The following HIVEP3 variants were observed in gnomAD, a reference collection of about 807,000 sequenced individuals.
HIVEP3 encodes transcription factor HIVEP3.
In HIVEP3, 49 loss-of-function variants were observed where a neutral mutation model predicts 152.8. The ratio of observed to expected loss-of-function variants is 0.32; its 90% CI spans 0.26 to 0.41. The LOEUF is 0.41. Ranked by LOEUF, HIVEP3 falls within the 10% of genes least tolerant of loss-of-function variation. The probability of loss-of-function intolerance (pLI) is 1.00; values close to 1 mark genes in which losing one functional copy is unlikely to be tolerated. For synonymous variants in HIVEP3, 1,269 were observed against 1,289.0 expected (o/e 0.98, Z 0.33); for missense variants, 2,790 against 3,103.3 (o/e 0.90, Z 2.40).
At position 41,580,671 on chromosome 1, in the gene HIVEP3, A is replaced by G. The variant is rs1445310100; in HGVS notation, c.4127T>C (p.Val1376Ala). 7.4e-6 allele frequency: 12 copies of G among 1,613,358 alleles called. No individual in the cohort carries two copies. In the East Asian group the frequency reaches 1.8e-4, roughly 24 times the overall value. ...TTVCGADVHE[V>A]GPGPSGLSEE... Reference sequence around the variant, plus strand: ...ACTTAACCCAGAAGGGCCGGGCCCAACCTCATGCACATCTGCACCACATAC... The same window carrying G: ...ACTTAACCCAGAAGGGCCGGGCCCAGCCTCATGCACATCTGCACCACATAC... Residue 1376 changes from valine to alanine, a missense_variant, in exon 4 of 9, where the codon GTT becomes GCT. Coordinates refer to ENST00000372583, the MANE Select transcript of HIVEP3 (RefSeq NM_024503.5).
At chr1:41,940,526 T>C (rs1645040338) in intron 1 of HIVEP3, among the ~76,000 whole-genome samples, 1 of 152,232 alleles carries the variant, frequency 6.6e-6, no homozygotes, top group Non-Finnish European at 1.5e-5. Flanking sequence ...GGAGGTGAAA[T>C]GAACTCTTAA....
chr1:41,937,227 A>G (rs1645024106), intron 1 of HIVEP3, among the ~76,000 whole-genome samples: 2 of 152,130 alleles, frequency 1.3e-5, no homozygotes, highest in African/African-American at 4.8e-5. Flanking sequence ...ATAAATATAT[A>G]TTCTATACAC....
At chr1:41,650,272 G>A (rs993879576) in intron 2 of HIVEP3, among the ~76,000 whole-genome samples, 8 of 152,154 alleles carry the variant, frequency 5.3e-5, no homozygotes, top group African/African-American at 1.4e-4. Flanking sequence ...GCAGACACGT[G>A]GGCGGTGACA....
intron 1 of HIVEP3, among the ~76,000 whole-genome samples, chr1:41,754,296 C>A (rs963433636): frequency 6.6e-6 from 1 of 152,008 alleles, no homozygotes; most frequent in Non-Finnish European, 1.5e-5. Context: ...GTTTTAGAGG[C>A]AACCCTCTGG....
At chr1:41,771,191 T>C (rs1455668743) in intron 1 of HIVEP3, among the ~76,000 whole-genome samples, 1 of 152,096 alleles carries the variant, frequency 6.6e-6, no homozygotes, top group Non-Finnish European at 1.5e-5. Context: ...GGTACCATCT[T>C]TGCACCTCCC....
rs1008152081 is a variant in HIVEP3 at position 41,580,221 on chromosome 1, G to A, written c.4577C>T (p.Pro1526Leu). 2.5e-6 allele frequency: 4 copies of A among 1,612,578 alleles called. No homozygotes were observed. The South Asian group carries it at 4.4e-5, about 18-fold the overall frequency. The change falls in exon 4 of 9, where the codon CCA becomes CTA. Residue 1526 changes from proline (P) to leucine (L), a missense_variant. By Grantham distance (98) the Pro-to-Leu change is moderately conservative. This residue lies in a region of HIVEP3 where 1,078 missense variants were observed against 1,165.3 expected (regional missense o/e 0.93). Transcript: ENST00000372583. ...PHPALSHGTAPGSEALKEYPQ... is the reference protein window; with the variant it reads ...PHPALSHGTALGSEALKEYPQ... The stretch of plus-strand genomic sequence containing the variant: ...ATATTCCTTCAAAGCTTCTGAGCCT[G>A]GGGCTGTCCCATGGGACAATGCAGG...
intron 5 of HIVEP3, among the ~76,000 whole-genome samples, chr1:41,558,766 T>C (rs1644008747): frequency 6.6e-6 from 1 of 152,218 alleles, no homozygotes; most frequent in Non-Finnish European, 1.5e-5. Flanking sequence ...CTAAAAACTT[T>C]GTCCAGCCCC....
intron 4 of HIVEP3, among the ~76,000 whole-genome samples, chr1:41,579,422 CTT>C (rs144747239): frequency 0.016 from 2,445 of 152,304 alleles, 58 homozygotes; most frequent in African/African-American, 0.056. Flanking sequence ...CCAACTCAGT[CTT>C]TTGGAAAATT....
At chr1:41,794,953 G>A (rs7540667) in intron 1 of HIVEP3, among the ~76,000 whole-genome samples, 5,057 of 152,170 alleles carry the variant, frequency 0.033, 284 homozygotes, top group African/African-American at 0.12. Flanking sequence ...TTAGAGACAG[G>A]GTCTTGCTCT....
intron 3 of HIVEP3, among the ~76,000 whole-genome samples, chr1:41,591,995 G>A (rs987065644): frequency 2.0e-5 from 3 of 152,144 alleles, no homozygotes; most frequent in Non-Finnish European, 2.9e-5. Flanking sequence ...GCTGCCTGAC[G>A]CTGACTTGAC....
At chr1:42,012,365 TAAG>T (rs1230003402) in intron 1 of HIVEP3, among the ~76,000 whole-genome samples, 2 of 152,142 alleles carry the variant, frequency 1.3e-5, no homozygotes. Flanking sequence ...GAGTGGCCTT[TAAG>T]AAGTAAGTAG....
chr1:42,003,140 A>G (rs1645438222), intron 1 of HIVEP3, among the ~76,000 whole-genome samples: 1 of 152,092 alleles, frequency 6.6e-6, no homozygotes, highest in South Asian at 2.1e-4. Flanking sequence ...CAGTGGCACA[A>G]TCTCGGCTCA....
At chr1:41,737,710 C>T (rs1646939714) in intron 1 of HIVEP3, among the ~76,000 whole-genome samples, 1 of 152,190 alleles carries the variant, frequency 6.6e-6, no homozygotes, top group South Asian at 2.1e-4. Context: ...GCGGGGAACT[C>T]AGTCTGGCAC....
intron 1 of HIVEP3, among the ~76,000 whole-genome samples, chr1:41,730,569 G>T (rs1646824393): frequency 6.6e-6 from 1 of 152,242 alleles, no homozygotes; most frequent in African/African-American, 2.4e-5. Context: ...GCCACCAGGG[G>T]CACGCTGCAA....
At chr1:41,888,195 C>T (rs1214695508) in intron 1 of HIVEP3, among the ~76,000 whole-genome samples, 1 of 146,464 alleles carries the variant, frequency 6.8e-6, no homozygotes, top group Non-Finnish European at 1.5e-5. Context: ...ACCACCACGC[C>T]CGGCTAATTT....
At chr1:41,773,729 T>C (rs1010545028) in intron 1 of HIVEP3, among the ~76,000 whole-genome samples, 1 of 152,212 alleles carries the variant, frequency 6.6e-6, no homozygotes, top group African/African-American at 2.4e-5. Context: ...AAGTAAAAAC[T>C]GCCCGAGGTT....
chr1:41,512,786 G>T, intron 8 of HIVEP3, 30 bp downstream of exon 8: 1 of 1,455,146 alleles, frequency 6.9e-7, no homozygotes, highest in Admixed American at 2.6e-5. Flanking sequence ...CAGGGGAGAA[G>T]CGGCCCAGCC....
intron 1 of HIVEP3, among the ~76,000 whole-genome samples, chr1:41,807,009 C>T (rs1407565747): frequency 8.4e-6 from 1 of 118,376 alleles, no homozygotes; most frequent in Non-Finnish European, 1.9e-5. Context: ...GGTGCAGTTT[C>T]CTCCCTTCCT....
intron 2 of HIVEP3, among the ~76,000 whole-genome samples, chr1:41,697,168 G>A (rs1646289624): frequency 6.6e-6 from 1 of 152,132 alleles, no homozygotes; most frequent in African/African-American, 2.4e-5. Context: ...TCTGTAGCTG[G>A]TTTTATTCCC....
Sources: allele counts gnomAD v4.1 joint callset (sites outside exome capture counted in the v4.1 genomes callset), GRCh38; gene constraint gnomAD v4.1.1; regional missense constraint gnomAD v4.1.1; transcripts MANE v1.5; gene names NCBI Gene and HGNC (gene_info 2026-07-23, HGNC 2026-07-21).